TMEM260: variants seen among roughly 807,000 people sequenced by gnomAD.
TMEM260 encodes the protein protein O-mannosyl-transferase TMEM260.
A neutral mutation model predicts 88.9 loss-of-function variants in TMEM260; 82 were observed. The ratio of observed to expected loss-of-function variants is 0.92; its 90% CI spans 0.77 to 1.11. The LOEUF (loss-of-function observed/expected upper bound fraction) is 1.11, where lower values mean the gene tolerates loss of function less well. Among genes scored for constraint, TMEM260 ranks in the 50% least tolerant of loss-of-function variants. TMEM260 has a pLI of 0.00. For missense variants in TMEM260, 902 were observed against 853.4 expected, an observed-to-expected ratio of 1.06 and a Z score of -0.71; for synonymous variants, 314 against 309.3, an observed-to-expected ratio of 1.02 and a Z score of -0.16.
intron 15 of TMEM260, among the ~76,000 whole-genome samples, chr14:56,640,344 C>G (rs1046011051): frequency 1.3e-5 from 2 of 152,188 alleles, no homozygotes; most frequent in African/African-American, 4.8e-5. Flanking sequence ...TCACCAATAT[C>G]CGCTGTTCTG....
At chr14:56,600,893 GTCT>G in intron 3 of TMEM260, among the ~76,000 whole-genome samples, 1 of 152,246 alleles carries the variant, frequency 6.6e-6, no homozygotes, top group African/African-American at 2.4e-5. Context: ...CAGTTACCTT[GTCT>G]TCTACTATTT....
chr14:56,584,963 C>T (rs758806087), intron 1 of TMEM260, 38 bp from the exon 2 acceptor site: 2 of 1,593,622 alleles, frequency 1.3e-6, no homozygotes, highest in Non-Finnish European at 1.7e-6. Flanking sequence ...GTGTCATTCT[C>T]TAATAGTAAT....
At chr14:56,588,140 A>C (rs916253044) in intron 3 of TMEM260, among the ~76,000 whole-genome samples, 2 of 152,058 alleles carry the variant, frequency 1.3e-5, no homozygotes, top group East Asian at 1.9e-4. Context: ...CCAAATCATC[A>C]TTCCATTTTG....
chr14:56,610,594 T>C (rs1230622508), intron 6 of TMEM260, among the ~76,000 whole-genome samples: 1 of 152,240 alleles, frequency 6.6e-6, no homozygotes, highest in Non-Finnish European at 1.5e-5. Flanking sequence ...TTTAAAAAGC[T>C]CTTTGACCCT....
intron 14 of TMEM260, 66 bp from the exon 15 acceptor site, chr14:56,636,442 T>G: frequency 7.7e-7 from 1 of 1,293,130 alleles, no homozygotes; most frequent in Non-Finnish European, 1.1e-6. Context: ...GCCTGGAAGA[T>G]TTAGCTAGCC....
intron 3 of TMEM260, among the ~76,000 whole-genome samples, chr14:56,602,410 G>A (rs1444384024): frequency 6.6e-6 from 1 of 152,054 alleles, no homozygotes; most frequent in African/African-American, 2.4e-5. Flanking sequence ...TGAATGAGTG[G>A]GATCCAGTTT....
At chr14:56,653,736 C>CAAAAAAAAAAAAAGAAAA (rs10522889), downstream of TMEM260, among the ~76,000 whole-genome samples, 2 of 66,608 alleles carry the variant, frequency 3.0e-5, no homozygotes, top group African/African-American at 1.2e-4. Context: ...CTCTTGTCTC[C>CAAAAAAAAAAAAAGAAAA]AAAACAAAAA....
chr14:56,656,746 A>G, the TMEM260 span, among the ~76,000 whole-genome samples: 3 of 152,214 alleles, frequency 2.0e-5, no homozygotes, highest in African/African-American at 4.8e-5. Flanking sequence ...ATAAATTACA[A>G]TGATAATTAT....
Position 56,579,885 on chromosome 14 carries a change from G to T in TMEM260, c.-30G>T. 8.1e-7 allele frequency: 1 copy of T among 1,231,882 alleles called. No homozygotes were observed. The highest frequency in any genetic ancestry group is 1.0e-6 in the Non-Finnish European group (1 of 987,620). 76.3% of individuals were successfully genotyped at this position (1,231,882 alleles called of 1,614,324 possible). On this transcript the variant is annotated 5_prime_UTR_variant, in exon 1 of 16. Coordinates refer to ENST00000261556, the MANE Select transcript of TMEM260 (RefSeq NM_017799.4). Reference sequence around the variant, plus strand: ...GTCGCACCGGGTTCTTGGGCTGGCCGTGTCCTTCTCCCTCGGTCGCCACTG... The same window carrying T: ...GTCGCACCGGGTTCTTGGGCTGGCCTTGTCCTTCTCCCTCGGTCGCCACTG...
intron 1 of TMEM260, among the ~76,000 whole-genome samples, chr14:56,584,473 C>T (rs140634159): frequency 2.9e-3 from 436 of 152,022 alleles, no homozygotes; most frequent in African/African-American, 9.8e-3. Flanking sequence ...TGAACCTTAC[C>T]GAAATAACGT....
chr14:56,603,698 T>C, intron 3 of TMEM260, 117 bp from the exon 4 acceptor site: 2 of 996,788 alleles, frequency 2.0e-6, no homozygotes, highest in South Asian at 1.5e-5. Context: ...AACCATATAA[T>C]GTGTTGGAGT....
intron 3 of TMEM260, 82 bp from the exon 4 acceptor site, chr14:56,603,733 C>A: frequency 6.8e-7 from 1 of 1,481,252 alleles, no homozygotes; most frequent in Non-Finnish European, 9.4e-7. Flanking sequence ...ATCATAATTT[C>A]TGCTGGTACA....
chr14:56,650,196 G>A (rs562390279), downstream of TMEM260: 647 of 409,720 alleles, frequency 1.6e-3, 5 homozygotes, highest in Middle Eastern at 0.022. Context: ...TGTCCCGGGA[G>A]TGCCATGGTT....
chr14:56,618,845 G>A, intron 10 of TMEM260, 82 bp downstream of exon 10: 1 of 1,358,456 alleles, frequency 7.4e-7, no homozygotes. Flanking sequence ...TTATTTCATT[G>A]TTAACTTCTG....
At chr14:56,636,325 G>T (rs1889067307) in intron 14 of TMEM260, among the ~76,000 whole-genome samples, 183 bp from the exon 15 acceptor site, 1 of 152,084 alleles carries the variant, frequency 6.6e-6, no homozygotes, top group South Asian at 2.1e-4. Context: ...CAGCATCTTG[G>T]TGGGTGGGTG....
intron 15 of TMEM260, among the ~76,000 whole-genome samples, chr14:56,646,700 G>A (rs749332132): frequency 1.4e-4 from 22 of 152,140 alleles, no homozygotes; most frequent in Non-Finnish European, 3.1e-4. Context: ...ATCACACCCA[G>A]CCTCTCTGAT....
At chr14:56,633,988 GC>G in intron 13 of TMEM260, among the ~76,000 whole-genome samples, 1 of 152,286 alleles carries the variant, frequency 6.6e-6, no homozygotes, top group East Asian at 1.9e-4. Context: ...TTGTATAACA[GC>G]CAGAGATGGA....
At chr14:56,601,116 C>T (rs1420798183) in intron 3 of TMEM260, among the ~76,000 whole-genome samples, 2 of 152,092 alleles carry the variant, frequency 1.3e-5, no homozygotes, top group East Asian at 1.9e-4. Flanking sequence ...ATGTTATCAT[C>T]GAAGTCAAAA....
At chr14:56,631,249 G>T (rs1022258998) in intron 12 of TMEM260, among the ~76,000 whole-genome samples, 1 of 152,200 alleles carries the variant, frequency 6.6e-6, no homozygotes, top group Non-Finnish European at 1.5e-5. Context: ...CTAGGGTCTT[G>T]CATTCCCTTC....
Sources: gnomAD v4.1 joint callset for allele counts (sites outside exome capture counted in the v4.1 genomes callset) on GRCh38, gnomAD v4.1.1 for gene constraint, MANE v1.5 for transcripts, NCBI Gene and HGNC (gene_info 2026-07-23, HGNC 2026-07-21) for gene names.